Variants in MAF observed in about 807,000 individuals in gnomAD.
MAF encodes transcription factor Maf.
MAF carries 10 observed loss-of-function variants against 22.0 expected under a neutral mutation model. That is an observed-to-expected ratio of 0.45 (90% CI 0.28 to 0.77). The LOEUF (loss-of-function observed/expected upper bound fraction) is 0.77, where lower values mean the gene tolerates loss of function less well. Among genes scored for constraint, MAF ranks in the 30% least tolerant of loss-of-function variants. MAF has a pLI of 0.12. For missense variants in MAF, 544 were observed against 548.4 expected, an observed-to-expected ratio of 0.99 and a Z score of 0.08; for synonymous variants, 337 against 255.8, an observed-to-expected ratio of 1.32 and a Z score of -3.03.
the MAF span, among the ~76,000 whole-genome samples, chr16:79,408,931 G>A: frequency 2.9e-5 from 4 of 139,266 alleles, no homozygotes; most frequent in Non-Finnish European, 6.1e-5. Context: ...TGTAACTGTA[G>A]AAGTAGGTAT....
chr16:79,421,824 C>G, the MAF span, among the ~76,000 whole-genome samples: 1 of 152,092 alleles, frequency 6.6e-6, no homozygotes, highest in Admixed American at 6.6e-5. Flanking sequence ...ATCCCCCAGG[C>G]TGGAGTTCAG....
intron 1 of MAF, chr16:79,597,227 T>G (rs1212876423): frequency 1.9e-6 from 2 of 1,051,610 alleles, no homozygotes; most frequent in Admixed American, 1.1e-4. Context: ...ACCTAACTCT[T>G]TCAAATTTAT....
the MAF span, among the ~76,000 whole-genome samples, chr16:79,323,518 A>T: frequency 6.6e-6 from 1 of 152,306 alleles, no homozygotes; most frequent in African/African-American, 2.4e-5. Context: ...TGCAAGACCC[A>T]TGGAGACAAT....
chr16:79,203,298 T>C, the MAF span: 1 of 152,216 alleles, frequency 6.6e-6, no homozygotes, highest in Non-Finnish European at 1.5e-5. Flanking sequence ...ACCTGAGAAA[T>C]GGTCTGTTCC....
the MAF span, among the ~76,000 whole-genome samples, chr16:79,222,045 G>A: frequency 7.9e-5 from 12 of 152,180 alleles, no homozygotes; most frequent in East Asian, 5.8e-4. Context: ...CAGTTGGGGC[G>A]AAGCTCTCTG....
chr16:79,324,566 T>C, the MAF span, among the ~76,000 whole-genome samples: 1 of 152,132 alleles, frequency 6.6e-6, no homozygotes. Context: ...CTTTATGTTA[T>C]ACAAATAAGA....
At chr16:79,261,731 G>T in the MAF span, among the ~76,000 whole-genome samples, 1 of 152,186 alleles carries the variant, frequency 6.6e-6, no homozygotes, top group Non-Finnish European at 1.5e-5. Context: ...CAGGTTCAAA[G>T]AATGAGAAGT....
At chr16:79,330,326 G>A in the MAF span, among the ~76,000 whole-genome samples, 1 of 152,210 alleles carries the variant, frequency 6.6e-6, no homozygotes, top group East Asian at 1.9e-4. Flanking sequence ...AACCCCCTCA[G>A]TTGTATAGAC....
At chr16:79,437,686 C>A in the MAF span, among the ~76,000 whole-genome samples, 1 of 152,066 alleles carries the variant, frequency 6.6e-6, no homozygotes. Context: ...TCTGAAAACC[C>A]TGGCATTACT....
chr16:79,502,708 AATATATATATATATATATATATAT>A, the MAF span, among the ~76,000 whole-genome samples: 5 of 34,008 alleles, frequency 1.5e-4, no homozygotes, highest in African/African-American at 4.5e-4. Context: ...TATAAATATA[AATATATATATATATATATATATAT>A]ATATATATAT....
the MAF span, among the ~76,000 whole-genome samples, chr16:79,242,830 A>C: frequency 1.3e-5 from 2 of 152,046 alleles, no homozygotes; most frequent in Non-Finnish European, 2.9e-5. Context: ...CAAATGCAAA[A>C]TAATGGAAAT....
chr16:79,435,967 C>A, the MAF span, among the ~76,000 whole-genome samples: 1 of 152,172 alleles, frequency 6.6e-6, no homozygotes, highest in African/African-American at 2.4e-5. Context: ...AAGCCAAAAC[C>A]AAAAGCCCTG....
the MAF span, among the ~76,000 whole-genome samples, chr16:79,550,279 G>C: frequency 6.6e-6 from 1 of 152,078 alleles, no homozygotes; most frequent in Non-Finnish European, 1.5e-5. Context: ...AGTAGATAAT[G>C]AAGATCTTCA....
chr16:79,546,106 T>C, the MAF span, among the ~76,000 whole-genome samples: 2 of 152,106 alleles, frequency 1.3e-5, no homozygotes, highest in Non-Finnish European at 2.9e-5. Flanking sequence ...AAATGTGGTA[T>C]GAGTGTTACC....
chr16:79,438,212 A>G, the MAF span, among the ~76,000 whole-genome samples: 1 of 152,032 alleles, frequency 6.6e-6, no homozygotes, highest in Non-Finnish European at 1.5e-5. Flanking sequence ...CAATTACAGG[A>G]GTTATTTCTG....
chr16:79,597,875 A>G (rs1178400100), intron 1 of MAF: 1 of 1,033,962 alleles, frequency 9.7e-7, no homozygotes, highest in Non-Finnish European at 1.2e-6. Context: ...TTGCTAAGAC[A>G]AAGTAGCAAG....
At chr16:79,376,868 G>A in the MAF span, among the ~76,000 whole-genome samples, 3 of 152,126 alleles carry the variant, frequency 2.0e-5, no homozygotes, top group African/African-American at 7.2e-5. Context: ...ATTTTTTATG[G>A]CTGCATAGTA....
chr16:79,219,881 A>G, the MAF span, among the ~76,000 whole-genome samples: 38 of 152,294 alleles, frequency 2.5e-4, no homozygotes, highest in African/African-American at 8.2e-4. Flanking sequence ...TCCTTTCAAT[A>G]TGATTTGTGA....
At chr16:79,579,126 C>A in the MAF span, among the ~76,000 whole-genome samples, 1 of 152,134 alleles carries the variant, frequency 6.6e-6, no homozygotes, top group East Asian at 1.9e-4. Flanking sequence ...AGCTAAGGAG[C>A]CCTATAGCTT....
Sources: allele counts gnomAD v4.1 joint callset (sites outside exome capture counted in the v4.1 genomes callset), GRCh38; gene constraint gnomAD v4.1.1; transcripts MANE v1.5; gene names NCBI Gene and HGNC (gene_info 2026-07-23, HGNC 2026-07-21).